TAPT1: variants seen among roughly 807,000 people sequenced by gnomAD.
The protein encoded by TAPT1 is transmembrane anterior posterior transformation 1, also known as transmembrane anterior posterior transformation protein 1 homolog.
In TAPT1, 28 loss-of-function variants were observed where a neutral mutation model predicts 65.6. The observed-to-expected ratio is 0.43, with a 90% CI of 0.32 to 0.59. The LOEUF is 0.59. Ranked by LOEUF, TAPT1 falls within the 20% of genes least tolerant of loss-of-function variation. TAPT1 has a pLI of 0.09. For synonymous variants in TAPT1, 278 were observed against 245.2 expected (o/e 1.13, Z -1.25); for missense variants, 563 against 679.9 (o/e 0.83, Z 1.91).
At position 16,226,451 on chromosome 4, in the gene TAPT1, C is replaced by T. The variant is rs1230002834; in HGVS notation, c.7G>A (p.Gly3Ser). ...CCCGGAGCGGCCGCGTCGCCGACGC[C>T]CGCCATGTTCCGAGCACAACAAACT... MA[G>S]VGDAAAPGEG... is the part of the protein sequence containing the mutation. The change falls in exon 1 of 14, where the codon GGC (glycine) becomes AGC (serine). Residue 3 changes from glycine (G) to serine (S), a missense_variant. Transcript: ENST00000405303. 5 of 1,065,544 alleles carry T rather than the reference C, an allele frequency of 4.7e-6. No individual in the cohort carries two copies. The highest frequency in any genetic ancestry group is 5.7e-6 in the Non-Finnish European group (5 of 883,602). 66.0% of individuals were successfully genotyped at this position (1,065,544 alleles called of 1,614,324 possible). A position where few individuals can be genotyped will look rare whatever the true frequency, so the allele number is the denominator to read the frequency against.
chr4:16,167,689 A>T (rs967982450), intron 12 of TAPT1, among the ~76,000 whole-genome samples: 3 of 152,198 alleles, frequency 2.0e-5, no homozygotes. Flanking sequence ...AGCAACAGGT[A>T]AGGTGCTTAG....
At chr4:16,201,836 A>G (rs1160016702) in intron 3 of TAPT1, among the ~76,000 whole-genome samples, 1 of 152,186 alleles carries the variant, frequency 6.6e-6, no homozygotes, top group Non-Finnish European at 1.5e-5. Flanking sequence ...ATGGGGAAGC[A>G]CACTTAGAGA....
chr4:16,164,865 T>C (rs910959793), intron 13 of TAPT1, among the ~76,000 whole-genome samples: 1 of 152,210 alleles, frequency 6.6e-6, no homozygotes, highest in African/African-American at 2.4e-5. Context: ...TTCCCAGTGA[T>C]TATACACATT....
chr4:16,218,884 CTAAG>C (rs1271582673), intron 1 of TAPT1, among the ~76,000 whole-genome samples: 1 of 152,084 alleles, frequency 6.6e-6, no homozygotes, highest in Admixed American at 6.5e-5. Flanking sequence ...CATATATCAT[CTAAG>C]TAATTTTCTG....
upstream of TAPT1, chr4:16,227,362 C>A (rs1163688188): frequency 2.2e-6 from 1 of 453,006 alleles, no homozygotes; most frequent in Non-Finnish European, 4.5e-6. Flanking sequence ...GCGTGTGACC[C>A]CGCAACGAGC....
intron 2 of TAPT1, among the ~76,000 whole-genome samples, chr4:16,209,814 G>A (rs373391441): frequency 3.3e-5 from 5 of 152,284 alleles, no homozygotes; most frequent in African/African-American, 1.2e-4. Context: ...AAATGCCTAG[G>A]ACAGTATCTG....
rs560573397 is a variant in TAPT1, at chr4:16,181,959, A to G, written c.917-2302T>C. Among the ~76,000 whole-genome samples the G allele has an allele frequency of 1.3e-4, 20 of 152,370 alleles. No homozygotes were observed. In the East Asian group the frequency reaches 3.9e-3, roughly 29 times the overall value. On this transcript the variant is annotated intron_variant, in intron 7 of 13. Transcript: ENST00000405303. ...TGGTAAATGAATGCGATTTTATAAG[A>G]TGAAGGATGTGAAGGATGGCAAGCT...
chr4:16,165,382 A>G (rs562245808), intron 13 of TAPT1, among the ~76,000 whole-genome samples: 2 of 152,090 alleles, frequency 1.3e-5, no homozygotes, highest in African/African-American at 4.8e-5. Context: ...CATCCTGGCT[A>G]ACATGGTGAA....
chr4:16,203,804 C>T (rs764632952), intron 2 of TAPT1, among the ~76,000 whole-genome samples: 46 of 152,300 alleles, frequency 3.0e-4, no homozygotes, highest in Non-Finnish European at 4.7e-4. Context: ...CAAACAAATT[C>T]ACATGTCTTT....
chr4:16,204,583 GCT>G (rs1750234152), intron 2 of TAPT1, among the ~76,000 whole-genome samples: 1 of 152,210 alleles, frequency 6.6e-6, no homozygotes, highest in Non-Finnish European at 1.5e-5. Context: ...TGTTCACCAG[GCT>G]CTCTGTCTCT....
At chr4:16,214,942 C>G (rs1401825279) in intron 1 of TAPT1, among the ~76,000 whole-genome samples, 1 of 152,054 alleles carries the variant, frequency 6.6e-6, no homozygotes, top group African/African-American at 2.4e-5. Flanking sequence ...GGAGTTGCAC[C>G]TTCTAGGAGT....
intron 7 of TAPT1, among the ~76,000 whole-genome samples, chr4:16,185,370 ATTTT>A (rs879607371): frequency 1.4e-5 from 2 of 143,702 alleles, no homozygotes; most frequent in African/African-American, 5.1e-5. Flanking sequence ...AATCATCGTA[ATTTT>A]TTTTTTTTTT....
At chr4:16,183,092 A>C (rs1560162519) in intron 7 of TAPT1, 1 of 152,256 alleles carries the variant, frequency 6.6e-6, no homozygotes, top group Non-Finnish European at 1.5e-5. Context: ...CATATGAAGA[A>C]GGCAACATAT....
chr4:16,197,076 C>T (rs779759274), intron 3 of TAPT1, among the ~76,000 whole-genome samples: 1 of 152,028 alleles, frequency 6.6e-6, no homozygotes. Flanking sequence ...GTAAGGCATA[C>T]GAAGGAAACT....
intron 5 of TAPT1, 72 bp from the exon 6 acceptor site, chr4:16,186,950 A>T (rs1275481251): frequency 1.2e-6 from 1 of 807,126 alleles, no homozygotes; most frequent in African/African-American, 1.7e-5. Context: ...AAATTTTGAA[A>T]GTGAATAATA....
chr4:16,182,855 C>T lies in TAPT1; in HGVS notation c.917-3198G>A, dbSNP rs28445745. ...CTTTTCACATGTCCTCAGGCAATTC[C>T]TCCAAAGAAAATATACAGTGAGCTA... is the stretch of plus-strand genomic sequence containing the variant. On this transcript the variant is annotated intron_variant, in intron 7 of 13. Transcript: ENST00000405303. 3.1e-3 allele frequency: 478 copies of T among 152,270 alleles called. 3 individuals are homozygous for T. Among genetic ancestry groups the T allele is most frequent in the African/African-American group, 0.011 (449 of 41,568 alleles). The allele number at this position is 152,270 out of a possible 1,614,324, so 9.4% of individuals were successfully genotyped here.
Position 16,191,416 on chromosome 4 carries a change from T to C in TAPT1, c.557A>G (p.His186Arg). 1 of 1,596,004 alleles carries C rather than the reference T, an allele frequency of 6.3e-7. No individual in the cohort carries two copies. The highest frequency in any genetic ancestry group is 8.5e-7 in the Non-Finnish European group (1 of 1,171,012). The change falls in exon 4 of 14, where the codon CAC becomes CGC. Residue 186 changes from histidine (H) to arginine (R), a missense_variant. Around this residue, in one of 5 missense-constraint regions of TAPT1, gnomAD observed 217 missense variants for 317.5 expected, o/e 0.68. Coordinates refer to ENST00000405303, the MANE Select transcript of TAPT1 (RefSeq NM_153365.3). The stretch of plus-strand genomic sequence containing the variant: ...GATGACGGACTGCCCCCTTATCAGG[T>C]GGTACATCATGGAGTAGTCAACATA... The part of the protein sequence containing the change: ...MHYVDYSMMY[H>R]LIRGQSVIKL...
rs200861922 is a variant in TAPT1 at position 16,166,694 on chromosome 4, G to T, written c.1413C>A (p.Pro471=). The T allele has an allele frequency of 1.2e-6, 2 of 1,613,958 alleles. No homozygotes were observed. Among genetic ancestry groups the T allele is most frequent in the Non-Finnish European group, 1.7e-6 (2 of 1,179,876 alleles). Residue 471 remains proline (P), a synonymous_variant, in exon 13 of 14, where the codon CCC becomes CCA. Transcript: ENST00000405303. ...AKMEEKLSNP[P]ATCTPGKPSS... The stretch of plus-strand genomic sequence containing the variant: ...ACGGCTTGCCTGGAGTGCAGGTTGC[G>T]GGAGGATTCGACAGCTTCTCTTCCA...
chr4:16,202,882 C>T (rs191280823), intron 2 of TAPT1, among the ~76,000 whole-genome samples: 42 of 152,252 alleles, frequency 2.8e-4, no homozygotes, highest in African/African-American at 9.4e-4. Context: ...TATGGAAAAT[C>T]TTTATTCCTC....
Sources: allele counts gnomAD v4.1 joint callset (sites outside exome capture counted in the v4.1 genomes callset), GRCh38; gene constraint gnomAD v4.1.1; regional missense constraint gnomAD v4.1.1; transcripts MANE v1.5; gene names NCBI Gene and HGNC (gene_info 2026-07-23, HGNC 2026-07-21).